Variants in PCDHGA2 observed in about 807,000 individuals in gnomAD.
The protein encoded by PCDHGA2 is protocadherin gamma-A2.
A neutral mutation model predicts 59.2 loss-of-function variants in PCDHGA2; 40 were observed. That is an observed-to-expected ratio of 0.68 (90% confidence interval 0.52 to 0.88). The LOEUF (loss-of-function observed/expected upper bound fraction) is 0.88, where lower values mean the gene tolerates loss of function less well. PCDHGA2 is among the 40% of genes least tolerant of loss of function. The probability of loss-of-function intolerance (pLI) is 0.00; values close to 1 mark genes in which losing one functional copy is unlikely to be tolerated. For missense variants in PCDHGA2, 1,226 were observed against 1,204.0 expected, an observed-to-expected ratio of 1.02 and a Z score of -0.27; for synonymous variants, 560 against 526.0, an observed-to-expected ratio of 1.06 and a Z score of -0.89.
intron 1 of PCDHGA2, chr5:141,365,975 A>T (rs1280013526): frequency 6.2e-7 from 1 of 1,614,108 alleles, no homozygotes; most frequent in Non-Finnish European, 8.5e-7. Context: ...CGTGTCGCTG[A>T]GCCTGTTTGT....
rs766078622 is a variant in PCDHGA2, at chr5:141,346,265, C to A, written c.2424+4870C>A. On this transcript the variant is annotated intron_variant, in intron 1 of 3. Transcript: ENST00000394576. ...CCGGCTCGCACTTTGTGGGCGCGGACGGGGTTCGGGCTTTCCTGCAGACCT... is the reference window on the plus strand; with the variant it reads ...CCGGCTCGCACTTTGTGGGCGCGGAAGGGGTTCGGGCTTTCCTGCAGACCT... 4 of 1,614,172 alleles carry A rather than the reference C, an allele frequency of 2.5e-6. No homozygotes were observed. Among genetic ancestry groups the A allele is most frequent in the Non-Finnish European group, 2.5e-6 (3 of 1,180,022 alleles).
chr5:141,356,471 C>T, intron 1 of PCDHGA2: 2 of 1,613,754 alleles, frequency 1.2e-6, no homozygotes, highest in Non-Finnish European at 8.5e-7. Flanking sequence ...ACTGTAACTG[C>T]CACTGACCAG....
Position 141,490,845 on chromosome 5 carries a change from G to T in PCDHGA2, c.2425-3962G>T, listed in dbSNP as rs748605746. The T allele has an allele frequency of 1.4e-5, 22 of 1,613,726 alleles. No individual in the cohort carries two copies. The highest frequency in any genetic ancestry group is 1.7e-5 in the Non-Finnish European group (20 of 1,179,894). On this transcript the variant is annotated intron_variant, in intron 1 of 3. Coordinates refer to ENST00000394576, the MANE Select transcript of PCDHGA2 (RefSeq NM_018915.4). This position sits in a 1 kb window ranked among gnomAD's most constrained non-coding sequence, Gnocchi z 5.4. ...TGCAGATGCTGCAGATTGTGGTGGG[G>T]GTTCGAGACTCCGGCTCTCCCCCAT...
chr5:141,365,463 A>G (rs906812137), intron 1 of PCDHGA2: 2 of 1,613,996 alleles, frequency 1.2e-6, no homozygotes, highest in South Asian at 1.1e-5. Flanking sequence ...GATTCTGGAG[A>G]AAATGGTGAG....
At chr5:141,416,274 A>G (rs2096010347) in intron 1 of PCDHGA2, 2 of 152,404 alleles carry the variant, frequency 1.3e-5, no homozygotes, top group Non-Finnish European at 1.5e-5. Flanking sequence ...CTTTTTGCAT[A>G]CAATTCTCTA....
chr5:141,362,462 C>T (rs928339926), intron 1 of PCDHGA2: 6 of 1,614,032 alleles, frequency 3.7e-6, no homozygotes, highest in Non-Finnish European at 5.1e-6. Flanking sequence ...GAATTGGTTC[C>T]CGCGCAAGAT....
chr5:141,345,571 T>A (rs759654962), intron 1 of PCDHGA2: 2 of 1,614,126 alleles, frequency 1.2e-6, no homozygotes, highest in Non-Finnish European at 1.7e-6. Flanking sequence ...AACACTGGCG[T>A]CCTATACGCG....
At chr5:141,350,525 C>T in intron 1 of PCDHGA2, 2 of 1,613,934 alleles carry the variant, frequency 1.2e-6, no homozygotes, top group Non-Finnish European at 1.7e-6. Flanking sequence ...TAGGATAGAT[C>T]GAGAGAAGAT....
Position 141,340,006 on chromosome 5 carries a change from A to G in PCDHGA2, c.1035A>G (p.Pro345=). ...TTCTGGATGTGAATGACAATGCCCCAGAATTTTACATGACATCTGCTACTA... is the reference window on the plus strand; with the variant it reads ...TTCTGGATGTGAATGACAATGCCCCGGAATTTTACATGACATCTGCTACTA... The part of the protein sequence containing the change: ...VTVLDVNDNA[P]EFYMTSATSS... Residue 345 remains proline, a synonymous_variant, in exon 1 of 4, where the codon CCA becomes CCG. Coordinates refer to ENST00000394576, the MANE Select transcript of PCDHGA2 (RefSeq NM_018915.4). 6.2e-7 allele frequency: 1 copy of G among 1,614,216 alleles called. No homozygotes were observed. The highest frequency in any genetic ancestry group is 8.5e-7 in the Non-Finnish European group (1 of 1,180,036).
chr5:141,365,907 G>A, intron 1 of PCDHGA2: 1 of 1,614,196 alleles, frequency 6.2e-7, no homozygotes, highest in Non-Finnish European at 8.5e-7. Context: ...GAGCAGTTGA[G>A]AGACCTACAG....
chr5:141,409,295 G>A, intron 1 of PCDHGA2: 1 of 1,613,992 alleles, frequency 6.2e-7, no homozygotes, highest in Non-Finnish European at 8.5e-7. Context: ...TCCAGGAATG[G>A]TTGTTGCCCT....
intron 1 of PCDHGA2, among the ~76,000 whole-genome samples, chr5:141,445,978 TTATAAA>T (rs551337386): frequency 6.6e-6 from 1 of 152,272 alleles, no homozygotes; most frequent in East Asian, 1.9e-4. Context: ...TTTATGAGGG[TTATAAA>T]TAGAAATAGG....
chr5:141,442,702 T>G (rs1301940560), intron 1 of PCDHGA2, among the ~76,000 whole-genome samples: 6 of 152,224 alleles, frequency 3.9e-5, no homozygotes, highest in Non-Finnish European at 8.8e-5. Context: ...GACAAGAGTA[T>G]CAGACATGCC....
At chr5:141,356,452 T>C in intron 1 of PCDHGA2, 1 of 1,613,258 alleles carries the variant, frequency 6.2e-7, no homozygotes, top group Non-Finnish European at 8.5e-7. Flanking sequence ...AGTCTCAGAA[T>C]ATAACATCAC....
intron 1 of PCDHGA2, chr5:141,413,604 C>T: frequency 5.6e-6 from 9 of 1,613,818 alleles, no homozygotes; most frequent in Non-Finnish European, 7.6e-6. Flanking sequence ...AAAATCTAGA[C>T]GTAAAAATTA....
intron 1 of PCDHGA2, among the ~76,000 whole-genome samples, chr5:141,483,094 G>C (rs1304382782): frequency 6.6e-6 from 1 of 152,058 alleles, no homozygotes; most frequent in African/African-American, 2.4e-5. Context: ...CAAAAAAAAA[G>C]TGTGCGTGTA....
intron 1 of PCDHGA2, chr5:141,350,961 A>G: frequency 6.2e-7 from 1 of 1,614,080 alleles, no homozygotes; most frequent in Non-Finnish European, 8.5e-7. Context: ...GATGCCAATG[A>G]TAATGCTCCC....
At chr5:141,384,686 A>G (rs1314292313) in intron 1 of PCDHGA2, 1 of 1,613,842 alleles carries the variant, frequency 6.2e-7, no homozygotes, top group African/African-American at 1.3e-5. Context: ...GCGGTGGACA[A>G]AGATTCAGGC....
chr5:141,458,104 A>G (rs969775517), intron 1 of PCDHGA2, among the ~76,000 whole-genome samples: 6 of 152,232 alleles, frequency 3.9e-5, no homozygotes, highest in Non-Finnish European at 8.8e-5. Flanking sequence ...ACTTACAGAT[A>G]GTCTCCAAAT....
Sources: gnomAD v4.1 joint callset for allele counts (sites outside exome capture counted in the v4.1 genomes callset) on GRCh38, gnomAD v4.1.1 for gene constraint, Gnocchi (gnomAD v3.1) non-coding constraint, MANE v1.5 for transcripts, NCBI Gene and HGNC (gene_info 2026-07-23, HGNC 2026-07-21) for gene names.